The following KCNH1 variants were observed in gnomAD, a reference collection of about 807,000 sequenced individuals.
KCNH1 encodes potassium voltage-gated channel subfamily H member 1, also known as voltage-gated delayed rectifier potassium channel KCNH1.
A neutral mutation model predicts 69.2 loss-of-function variants in KCNH1; 27 were observed. The ratio of observed to expected loss-of-function variants is 0.39; its 90% CI spans 0.29 to 0.54. The LOEUF (loss-of-function observed/expected upper bound fraction) is 0.54, where lower values mean the gene tolerates loss of function less well. Among genes scored for constraint, KCNH1 ranks in the 20% least tolerant of loss-of-function variants. The pLI, the probability that KCNH1 is intolerant of heterozygous loss-of-function variation, is 0.68. For synonymous variants in KCNH1, 456 were observed against 487.7 expected (o/e 0.93, Z 0.86); for missense variants, 798 against 1,261.6 (o/e 0.63, Z 5.57).
intron 9 of KCNH1, among the ~76,000 whole-genome samples, chr1:210,776,522 G>T (rs765487702): frequency 6.6e-6 from 1 of 151,940 alleles, no homozygotes; most frequent in Admixed American, 6.6e-5. Flanking sequence ...CTCATAAATG[G>T]GATTAATGTC....
chr1:211,069,874 C>T lies in KCNH1; in HGVS notation c.558+12906G>A, dbSNP rs150977302. Among the ~76,000 whole-genome samples, 1,207 of 152,014 alleles carry T rather than the reference C, an allele frequency of 7.9e-3. 7 individuals carry two copies. The highest frequency in any genetic ancestry group is 0.017 in the Middle Eastern group (5 of 294). ...TTATAATGGATTTGTTTATATTTTA[C>T]GGTAGTAAGTGATAAAATAGGCTAT... On this transcript the variant is annotated intron_variant, in intron 5 of 10. Transcript: ENST00000271751.
intron 10 of KCNH1, among the ~76,000 whole-genome samples, chr1:210,746,798 C>T (rs112340319): frequency 0.065 from 9,858 of 152,182 alleles, 344 homozygotes; most frequent in Admixed American, 0.098. Flanking sequence ...CCACCCGCCT[C>T]AGCCTTCCAA....
intron 7 of KCNH1, among the ~76,000 whole-genome samples, chr1:210,839,639 T>C (rs553545577): frequency 6.6e-6 from 1 of 152,294 alleles, no homozygotes; most frequent in Admixed American, 6.5e-5. Flanking sequence ...AAATGTCTAT[T>C]TTCTTAAAAA....
chr1:210,992,845 A>T (rs1202465733), intron 6 of KCNH1, among the ~76,000 whole-genome samples: 1 of 152,130 alleles, frequency 6.6e-6, no homozygotes, highest in Non-Finnish European at 1.5e-5. Flanking sequence ...GACTTCTCCT[A>T]CCTTTTCTAA....
At chr1:210,751,069 C>G (rs888838742) in intron 10 of KCNH1, among the ~76,000 whole-genome samples, 15 of 152,118 alleles carry the variant, frequency 9.9e-5, no homozygotes, top group Non-Finnish European at 2.9e-5. Context: ...GTTTCCTAGG[C>G]AGAGCTTTCT....
At chr1:211,081,904 C>T (rs1690866845) in intron 5 of KCNH1, among the ~76,000 whole-genome samples, 1 of 152,132 alleles carries the variant, frequency 6.6e-6, no homozygotes, top group Non-Finnish European at 1.5e-5. Context: ...CAACATGGCA[C>T]ATGTATACCT....
At chr1:210,871,148 T>C (rs1972392) in intron 7 of KCNH1, among the ~76,000 whole-genome samples, 127,264 of 151,752 alleles carry the variant, frequency 0.84, 53,569 homozygotes, top group African/African-American at 0.88. Flanking sequence ...TCACAACCTA[T>C]TCATCTGACA....
At chr1:210,849,352 C>G (rs2102464552) in intron 7 of KCNH1, among the ~76,000 whole-genome samples, 1 of 139,314 alleles carries the variant, frequency 7.2e-6, no homozygotes, top group Non-Finnish European at 1.6e-5. Context: ...CGTGTGTGTG[C>G]TTTTCTTTCT....
rs1689667809 is a variant in KCNH1 at position 211,025,486 on chromosome 1, A to G, written c.559-6230T>C. Among the ~76,000 whole-genome samples, 4 of 152,250 alleles carry G rather than the reference A, an allele frequency of 2.6e-5. No individual in the cohort carries two copies. In the South Asian group the frequency reaches 8.3e-4, roughly 32 times the overall value. Reference sequence around the variant, plus strand: ...GGAAATTACATGAGTGTGATTAAGGAAGCTTGGATTCTGAGACCTCAGCAA... The same window carrying G: ...GGAAATTACATGAGTGTGATTAAGGGAGCTTGGATTCTGAGACCTCAGCAA... On this transcript the variant is annotated intron_variant, in intron 5 of 10. Coordinates refer to ENST00000271751, the MANE Select transcript of KCNH1 (RefSeq NM_172362.3).
chr1:211,097,215 GT>G (rs1304239979), intron 3 of KCNH1, among the ~76,000 whole-genome samples: 4 of 152,190 alleles, frequency 2.6e-5, no homozygotes, highest in African/African-American at 9.7e-5. Context: ...AATAAGCAAT[GT>G]GGAAAATAAG....
chr1:210,865,138 G>A (rs2102487013), intron 7 of KCNH1, among the ~76,000 whole-genome samples: 1 of 152,332 alleles, frequency 6.6e-6, no homozygotes, highest in East Asian at 1.9e-4. Context: ...CATGTGGAAT[G>A]GAAGGTAATG....
chr1:210,761,087 C>T (rs190540866), intron 10 of KCNH1, among the ~76,000 whole-genome samples: 26,077 of 149,766 alleles, frequency 0.17, 2,930 homozygotes, highest in Non-Finnish European at 0.26. Context: ...CCCGTCTCTA[C>T]TAAAAATACA....
At chr1:210,710,349 A>G (rs973013645) in intron 10 of KCNH1, among the ~76,000 whole-genome samples, 2 of 151,766 alleles carry the variant, frequency 1.3e-5, no homozygotes, top group Non-Finnish European at 2.9e-5. Context: ...ACACTACTAT[A>G]GACTATAAAC....
chr1:210,842,180 T>C (rs1463069574), intron 7 of KCNH1, among the ~76,000 whole-genome samples: 2 of 152,278 alleles, frequency 1.3e-5, no homozygotes, highest in Non-Finnish European at 2.9e-5. Context: ...CACAAGAACA[T>C]GTTGCTTACC....
At chr1:210,713,609 G>C (rs555355552) in intron 10 of KCNH1, among the ~76,000 whole-genome samples, 20 of 152,246 alleles carry the variant, frequency 1.3e-4, no homozygotes, top group Non-Finnish European at 2.2e-4. Flanking sequence ...GAGGTGTCAG[G>C]GGTTAGGGAA....
chr1:210,981,039 ACT>A (rs1170932988), intron 6 of KCNH1, among the ~76,000 whole-genome samples: 2 of 152,220 alleles, frequency 1.3e-5, no homozygotes, highest in East Asian at 3.9e-4. Context: ...CATAATAGGA[ACT>A]CTTATATCCC....
chr1:210,869,730 T>C (rs983679021), intron 7 of KCNH1, among the ~76,000 whole-genome samples: 7 of 152,138 alleles, frequency 4.6e-5, no homozygotes, highest in South Asian at 2.1e-4. Flanking sequence ...TTTAGTCCTA[T>C]AACTAAGCTG....
chr1:210,975,318 T>A (rs1014618982), intron 6 of KCNH1, among the ~76,000 whole-genome samples: 2 of 152,172 alleles, frequency 1.3e-5, no homozygotes, highest in Non-Finnish European at 2.9e-5. Flanking sequence ...AGAACAAAGC[T>A]GGAGGCATCA....
rs147910463 is a variant in KCNH1 at position 210,860,909 on chromosome 1, G to T, written c.1463-56743C>A. On this transcript the variant is annotated intron_variant, in intron 7 of 10. Transcript: ENST00000271751. ...CTGAAGAGAGAGAACACATGATTCT[G>T]CAACATGTATTCCATCTGATCATTA... 460 of 945,506 alleles carry T rather than the reference G, an allele frequency of 4.9e-4. 2 individuals are homozygous for T. In the South Asian group the frequency reaches 5.6e-3, roughly 11 times the overall value. 58.6% of individuals were successfully genotyped at this position (945,506 alleles called of 1,614,324 possible).
Sources: allele counts gnomAD v4.1 joint callset (sites outside exome capture counted in the v4.1 genomes callset), GRCh38; gene constraint gnomAD v4.1.1; transcripts MANE v1.5; gene names NCBI Gene and HGNC (gene_info 2026-07-23, HGNC 2026-07-21).